Variants in DYSF observed in about 807,000 individuals in gnomAD.
The protein encoded by DYSF is dysferlin, also known as dystrophy-associated fer-1-like 1.
A neutral mutation model predicts 274.9 loss-of-function variants in DYSF; 212 were observed. The observed-to-expected ratio is 0.77, with a 90% CI of 0.69 to 0.86. DYSF has a LOEUF of 0.86. Ranked by LOEUF, DYSF falls within the 40% of genes least tolerant of loss-of-function variation. DYSF has a pLI of 0.00. For synonymous variants in DYSF, 1,091 were observed against 1,078.7 expected (o/e 1.01, Z -0.22); for missense variants, 2,666 against 2,783.2 (o/e 0.96, Z 0.95).
At position 71,612,758 on chromosome 2, in the gene DYSF, C is replaced by T; in HGVS notation, c.4339C>T (p.Leu1447=). 6.2e-7 allele frequency: 1 copy of T among 1,614,156 alleles called. No individual in the cohort carries two copies. The highest frequency in any genetic ancestry group is 8.5e-7 in the Non-Finnish European group (1 of 1,180,010). The change falls in exon 39 of 56, where the codon CTG becomes TTG. Residue 1447 remains leucine, a synonymous_variant. Transcript: ENST00000410020. ...QCTIRSLESF[L]CDPYSAESPS... is the part of the protein sequence containing the mutation. ...TACCATCCGCTCCCTGGAGAGCTTC[C>T]TGTGTGACCCCTACTCGGCGGAGAG...
At chr2:71,600,105 C>T (rs1029978415) in intron 33 of DYSF, among the ~76,000 whole-genome samples, 1 of 152,216 alleles carries the variant, frequency 6.6e-6, no homozygotes, top group Non-Finnish European at 1.5e-5. Context: ...GTATGAGCTG[C>T]AGGCTGCCAG....
intron 4 of DYSF, among the ~76,000 whole-genome samples, chr2:71,508,685 G>T (rs1370827508): frequency 2.0e-5 from 3 of 152,094 alleles, no homozygotes; most frequent in African/African-American, 7.2e-5. Flanking sequence ...TGATTCGTTT[G>T]GTTACCACAC....
intron 10 of DYSF, among the ~76,000 whole-genome samples, chr2:71,518,220 A>G (rs2086862124): frequency 6.6e-6 from 1 of 152,072 alleles, no homozygotes; most frequent in Non-Finnish European, 1.5e-5. Context: ...AGTAAAGGTA[A>G]CTAGTAATTG....
chr2:71,539,029 G>A (rs2152766619), intron 16 of DYSF, 128 bp from the exon 17 acceptor site: 3 of 784,614 alleles, frequency 3.8e-6, no homozygotes, highest in Admixed American at 1.9e-5. Flanking sequence ...CCAAAGTGAA[G>A]ACCAGAAGCG....
chr2:71,640,891 C>T (rs2094475464), intron 41 of DYSF, among the ~76,000 whole-genome samples: 1 of 152,112 alleles, frequency 6.6e-6, no homozygotes. Flanking sequence ...AAGAAATGAT[C>T]TTGGCCTCCT....
At chr2:71,647,847 G>A (rs1312390785) in intron 42 of DYSF, among the ~76,000 whole-genome samples, 1 of 152,208 alleles carries the variant, frequency 6.6e-6, no homozygotes, top group African/African-American at 2.4e-5. Flanking sequence ...TACAGTTCCT[G>A]AAAGTGAGGT....
rs769789616 is a variant in DYSF, at chr2:71,682,479, AAGC to A, written c.6174-47_6174-45del. 2.3e-5 allele frequency: 37 copies of A among 1,612,684 alleles called. No individual in the cohort carries two copies. In the African/African-American group the frequency reaches 3.9e-4, roughly 17 times the overall value. Reference sequence around the variant, plus strand: ...TGCTGTTGAGAGAAGAGTTTGGAGAAAGCAGCCCTAGTAAAGGATGCCCAGTTG... The same window carrying A: ...TGCTGTTGAGAGAAGAGTTTGGAGAAAGCCCTAGTAAAGGATGCCCAGTTG... On this transcript the variant is annotated intron_variant, in intron 54 of 55. Coordinates refer to ENST00000410020, the MANE Select transcript of DYSF (RefSeq NM_001130987.2).
chr2:71,660,442 C>T, intron 44 of DYSF, 118 bp from the exon 45 acceptor site: 1 of 849,754 alleles, frequency 1.2e-6, no homozygotes, highest in African/African-American at 1.7e-5. Context: ...AGGACACAGC[C>T]CACATCTCAA....
At position 71,611,511 on chromosome 2, in the gene DYSF, A is replaced by G. The variant is rs139529811; in HGVS notation, c.4106A>G (p.Asn1369Ser). The G allele has an allele frequency of 1.4e-4, 227 of 1,614,138 alleles. No homozygotes were observed. The highest frequency in any genetic ancestry group is 8.7e-4 in the Admixed American group (52 of 60,028). Reference sequence around the variant, plus strand: ...AACATGAAGAGTTACCAGCTGGCCAACATCTCCTCCCCCAGCCTCGTGGTA... The same window carrying G: ...AACATGAAGAGTTACCAGCTGGCCAGCATCTCCTCCCCCAGCCTCGTGGTA... ...LRNMKSYQLA[N>S]ISSPSLVVEC... Residue 1369 changes from asparagine to serine, a missense_variant, in exon 38 of 56, where the codon AAC becomes AGC. Coordinates refer to ENST00000410020, the MANE Select transcript of DYSF (RefSeq NM_001130987.2).
upstream of DYSF, among the ~76,000 whole-genome samples, chr2:71,462,130 T>A (rs955992665): frequency 6.6e-6 from 1 of 152,192 alleles, no homozygotes; most frequent in Non-Finnish European, 1.5e-5. Context: ...TGTGCTCAGC[T>A]CTCAGTACCA....
intron 44 of DYSF, among the ~76,000 whole-genome samples, chr2:71,659,285 A>G (rs993260959): frequency 8.5e-5 from 13 of 152,172 alleles, no homozygotes; most frequent in Admixed American, 6.5e-5. Context: ...GACTCTTAGG[A>G]TAGATGAGAT....
intron 41 of DYSF, among the ~76,000 whole-genome samples, chr2:71,630,027 C>G (rs2152907011): frequency 6.6e-6 from 1 of 152,292 alleles, no homozygotes; most frequent in Non-Finnish European, 1.5e-5. Context: ...AGACATTTGT[C>G]TTTGTCTTCA....
At chr2:71,636,619 A>G (rs572826325) in intron 41 of DYSF, among the ~76,000 whole-genome samples, 1 of 152,314 alleles carries the variant, frequency 6.6e-6, no homozygotes, top group African/African-American at 2.4e-5. Context: ...AAAGCCTATC[A>G]GATGTCCAGT....
intron 29 of DYSF, among the ~76,000 whole-genome samples, chr2:71,571,592 G>C (rs549870070): frequency 6.9e-5 from 7 of 101,376 alleles, no homozygotes; most frequent in Non-Finnish European, 9.6e-5. Context: ...ATCACACCCA[G>C]CACACACAGC....
intron 30 of DYSF, among the ~76,000 whole-genome samples, chr2:71,582,347 T>A (rs1468576481): frequency 6.6e-6 from 1 of 152,196 alleles, no homozygotes; most frequent in African/African-American, 2.4e-5. Context: ...GTCCACATAG[T>A]ATCTCATTTA....
rs761386782 is a variant in DYSF, at chr2:71,561,627, G to C, written c.2217-125G>C. 1.9e-5 allele frequency: 21 copies of C among 1,126,662 alleles called. No individual in the cohort carries two copies. The South Asian group carries it at 2.6e-4, about 14-fold the overall frequency. The allele number at this position is 1,126,662 out of a possible 1,614,324, so 69.8% of individuals were successfully genotyped here. ...ATGGCTGTGTGTGTGGAGCGGGCTG[G>C]AGAAGGCACCCAGCAGGCAGGCGGA... On this transcript the variant is annotated intron_variant, in intron 22 of 55. Transcript: ENST00000410020.
chr2:71,543,405 C>T (rs1281628509), intron 17 of DYSF, among the ~76,000 whole-genome samples: 3 of 151,400 alleles, frequency 2.0e-5, no homozygotes, highest in African/African-American at 7.3e-5. Context: ...GGGCTCCTCA[C>T]ATCCCAGACG....
In DYSF at chr2:71,665,151, T is replaced by G; in HGVS notation, c.5175-11T>G. On this transcript the variant is annotated splice_polypyrimidine_tract_variant and intron_variant, in intron 46 of 55. Coordinates refer to ENST00000410020, the MANE Select transcript of DYSF (RefSeq NM_001130987.2). Reference sequence around the variant, plus strand: ...GAAGCATCTCATCTATGTCTTGTGCTTGCTCCTCAGCTCTGGACCGAACCA... The same window carrying G: ...GAAGCATCTCATCTATGTCTTGTGCGTGCTCCTCAGCTCTGGACCGAACCA... 1 of 1,613,496 alleles carries G rather than the reference T, an allele frequency of 6.2e-7. No homozygotes were observed. The highest frequency in any genetic ancestry group is 1.1e-5 in the South Asian group (1 of 91,052).
intron 55 of DYSF, among the ~76,000 whole-genome samples, chr2:71,684,175 C>T (rs947304748): frequency 2.1e-4 from 31 of 151,058 alleles, no homozygotes; most frequent in African/African-American, 6.8e-4. Context: ...TGCAGGGACT[C>T]GAGGTGTGTA....
Sources: allele counts gnomAD v4.1 joint callset (sites outside exome capture counted in the v4.1 genomes callset), GRCh38; gene constraint gnomAD v4.1.1; transcripts MANE v1.5; gene names NCBI Gene and HGNC (gene_info 2026-07-23, HGNC 2026-07-21).